Variants in ZYG11B observed in about 807,000 individuals in gnomAD.
ZYG11B encodes protein zyg-11 homolog B.
A neutral mutation model predicts 82.4 loss-of-function variants in ZYG11B; 36 were observed. The ratio of observed to expected loss-of-function variants is 0.44; its 90% confidence interval spans 0.33 to 0.58. ZYG11B has a LOEUF of 0.58. Ranked by LOEUF, ZYG11B falls within the 20% of genes least tolerant of loss-of-function variation. ZYG11B has a pLI of 0.02. For synonymous variants in ZYG11B, 303 were observed against 312.8 expected, an observed-to-expected ratio of 0.97 and a Z score of 0.33; for missense variants, 552 against 895.6, an observed-to-expected ratio of 0.62 and a Z score of 4.90.
At chr1:52,747,588 TC>T (rs1644488073) in intron 1 of ZYG11B, among the ~76,000 whole-genome samples, 1 of 151,404 alleles carries the variant, frequency 6.6e-6, no homozygotes, top group Non-Finnish European at 1.5e-5. Flanking sequence ...CTTTTTTTTT[TC>T]TCTCTCTCGT....
At chr1:52,728,410 C>T (rs1644302656) in intron 1 of ZYG11B, among the ~76,000 whole-genome samples, 1 of 152,166 alleles carries the variant, frequency 6.6e-6, no homozygotes, top group African/African-American at 2.4e-5. Context: ...GCACGGACTA[C>T]CGTGCCCCGC....
intron 10 of ZYG11B, 94 bp from the exon 11 acceptor site, chr1:52,813,442 C>CG (rs1351319769): frequency 3.2e-6 from 3 of 939,628 alleles, no homozygotes; most frequent in Non-Finnish European, 3.1e-6. Context: ...TTTCACCTTC[C>CG]TGAATTGCCT....
intron 2 of ZYG11B, among the ~76,000 whole-genome samples, chr1:52,759,725 T>C (rs930573960): frequency 3.9e-5 from 6 of 152,248 alleles, no homozygotes; most frequent in African/African-American, 1.2e-4. Context: ...TTGCCAGTTC[T>C]TGTCTCAATT....
Position 52,789,915 on chromosome 1 carries a change from C to CTTTT in ZYG11B, c.1270-78_1270-75dup, listed in dbSNP as rs58685388. On this transcript the variant is annotated intron_variant, in intron 5 of 13. Coordinates refer to ENST00000294353, the MANE Select transcript of ZYG11B (RefSeq NM_024646.3). ...TAACTGGTGTTTCATCAGTCTTCTT[C>CTTTT]TTTTTTTTTTTTTATGGAAGCTACC... is the stretch of plus-strand genomic sequence containing the variant. 203 of 730,702 alleles carry CTTTT rather than the reference C, an allele frequency of 2.8e-4. 1 individual carries two copies. In the African/African-American group the frequency reaches 3.4e-3, roughly 12 times the overall value. The allele number at this position is 730,702 out of a possible 1,614,324, so 45.3% of individuals were successfully genotyped here.
intron 10 of ZYG11B, among the ~76,000 whole-genome samples, chr1:52,802,473 C>T (rs114464888): frequency 6.6e-6 from 1 of 151,244 alleles, no homozygotes; most frequent in Non-Finnish European, 1.5e-5. Flanking sequence ...AACTCAGTCT[C>T]CCTAGTAGGT....
At chr1:52,796,902 ATATATATATTATATATTATATATAAT>A (rs1558137158) in intron 8 of ZYG11B, 118 bp downstream of exon 8, 5 of 102,652 alleles carry the variant, frequency 4.9e-5, no homozygotes, top group African/African-American at 5.8e-5. Flanking sequence ...ATATATAATT[ATATATATATTATATATTATATATAAT>A]TATATATTAT....
At chr1:52,783,124 A>G (rs1436879851) in intron 4 of ZYG11B, among the ~76,000 whole-genome samples, 2 of 151,492 alleles carry the variant, frequency 1.3e-5, no homozygotes, top group Non-Finnish European at 2.9e-5. Flanking sequence ...ACGAGGTTTC[A>G]CCATGTTGGC....
chr1:52,773,845 G>A (rs1476933978), intron 3 of ZYG11B, among the ~76,000 whole-genome samples: 1 of 150,776 alleles, frequency 6.6e-6, no homozygotes, highest in African/African-American at 2.4e-5. Flanking sequence ...GGTTCACCAT[G>A]TTGCCAAGGC....
At chr1:52,776,064 A>G (rs907453174) in intron 3 of ZYG11B, among the ~76,000 whole-genome samples, 22 of 147,254 alleles carry the variant, frequency 1.5e-4, no homozygotes, top group African/African-American at 5.5e-4. Flanking sequence ...AAAAATCCCA[A>G]AAAAATTAGC....
intron 4 of ZYG11B, among the ~76,000 whole-genome samples, chr1:52,781,271 G>T (rs1644853701): frequency 6.6e-6 from 1 of 152,064 alleles, no homozygotes; most frequent in South Asian, 2.1e-4. Context: ...AGCCAAGGCA[G>T]GCAGATCACT....
Position 52,769,243 on chromosome 1 carries a change from A to C in ZYG11B, c.197-1777A>C, listed in dbSNP as rs1468331907. Reference sequence around the variant, plus strand: ...AATTTACTCTCCTGAAATAGAGTGCAGGTAATTTGAAAGGCTGTCTCTAGA... The same window carrying C: ...AATTTACTCTCCTGAAATAGAGTGCCGGTAATTTGAAAGGCTGTCTCTAGA... On this transcript the variant is annotated intron_variant, in intron 2 of 13. Transcript: ENST00000294353. Among the ~76,000 whole-genome samples, 3 of 152,320 alleles carry C rather than the reference A, an allele frequency of 2.0e-5. No homozygotes were observed. In the East Asian group the frequency reaches 5.8e-4, roughly 29 times the overall value.
intron 2 of ZYG11B, among the ~76,000 whole-genome samples, chr1:52,759,570 TG>T (rs771151719): frequency 3.0e-4 from 46 of 152,292 alleles, no homozygotes; most frequent in Non-Finnish European, 5.0e-4. Context: ...AAAAATAACT[TG>T]TTGTCCCTAA....
intron 1 of ZYG11B, among the ~76,000 whole-genome samples, chr1:52,737,594 C>G (rs941814295): frequency 6.6e-6 from 1 of 152,052 alleles, no homozygotes; most frequent in Non-Finnish European, 1.5e-5. Flanking sequence ...AGTGGGAGCC[C>G]ATGTCTACTA....
intron 2 of ZYG11B, among the ~76,000 whole-genome samples, chr1:52,767,081 TTTATG>T (rs1350262935): frequency 8.8e-6 from 1 of 114,244 alleles, no homozygotes; most frequent in African/African-American, 6.3e-5. Flanking sequence ...TTTATGTTAT[TTTATG>T]TTATATTATT....
chr1:52,770,886 C>A, intron 2 of ZYG11B, 134 bp from the exon 3 acceptor site: 1 of 1,047,944 alleles, frequency 9.5e-7, no homozygotes, highest in Non-Finnish European at 1.4e-6. Flanking sequence ...CAATAATAAT[C>A]TCACCTAAAT....
chr1:52,809,027 G>A (rs1414179107), intron 10 of ZYG11B, among the ~76,000 whole-genome samples: 2 of 151,624 alleles, frequency 1.3e-5, no homozygotes, highest in African/African-American at 2.4e-5. Flanking sequence ...TATCCTAATC[G>A]GCTAGTTTTA....
intron 1 of ZYG11B, among the ~76,000 whole-genome samples, chr1:52,738,148 A>T (rs1644392974): frequency 6.6e-6 from 1 of 152,186 alleles, no homozygotes; most frequent in Admixed American, 6.6e-5. Flanking sequence ...GATAATAAAT[A>T]ATCAGTTACT....
At chr1:52,753,441 A>G (rs1644543285) in intron 1 of ZYG11B, among the ~76,000 whole-genome samples, 1 of 112,782 alleles carries the variant, frequency 8.9e-6, no homozygotes, top group Non-Finnish European at 1.9e-5. Flanking sequence ...TTTTTTTTTG[A>G]CAGAGTCTCG....
At position 52,813,521 on chromosome 1, in the gene ZYG11B, CT is replaced by C. The variant is rs760756606; in HGVS notation, c.1696-5del. On this transcript the variant is annotated splice_polypyrimidine_tract_variant and intron_variant, in intron 10 of 13. Transcript: ENST00000294353. ...CATATTACATTAATTTTTATATTTT[CT>C]TTTTTTTTTCCAGAACAATATAGCT... 1,324 of 1,380,618 alleles carry C rather than the reference CT, an allele frequency of 9.6e-4. No individual in the cohort carries two copies. Among genetic ancestry groups the C allele is most frequent in the Admixed American group, 2.1e-3 (104 of 50,316 alleles). 85.5% of individuals were successfully genotyped at this position (1,380,618 alleles called of 1,614,324 possible).
Sources: allele counts gnomAD v4.1 joint callset (sites outside exome capture counted in the v4.1 genomes callset), GRCh38; gene constraint gnomAD v4.1.1; transcripts MANE v1.5; gene names NCBI Gene and HGNC (gene_info 2026-07-23, HGNC 2026-07-21).